The following STPG2 variants were observed in gnomAD, a reference collection of about 807,000 sequenced individuals.
The protein encoded by STPG2 is sperm tail PG-rich repeat containing 2, also known as sperm-tail PG-rich repeat-containing protein 2.
STPG2 carries 56 observed loss-of-function variants against 54.2 expected under a neutral mutation model. The observed-to-expected ratio is 1.03, with a 90% CI of 0.83 to 1.29. The LOEUF (loss-of-function observed/expected upper bound fraction) is 1.29. Ranked by LOEUF, STPG2 falls within the 50% of genes most tolerant of loss-of-function variation. The probability of loss-of-function intolerance (pLI) is 0.00; values close to 1 mark genes in which losing one functional copy is unlikely to be tolerated. For synonymous variants in STPG2, 200 were observed against 181.8 expected, an observed-to-expected ratio of 1.10 and a Z score of -0.81; for missense variants, 596 against 544.9, an observed-to-expected ratio of 1.09 and a Z score of -0.93.
At chr4:97,847,862 A>G (rs1224129677) in intron 8 of STPG2, among the ~76,000 whole-genome samples, 1 of 152,188 alleles carries the variant, frequency 6.6e-6, no homozygotes. Flanking sequence ...TCTAAAAATG[A>G]CCAAGGTTAT....
At position 97,478,393 on chromosome 4, in the gene STPG2, T is replaced by C. The variant is rs140473588; in HGVS notation, c.462+234306A>G. Among the ~76,000 whole-genome samples the C allele has an allele frequency of 4.2e-3, 637 of 152,280 alleles. 3 individuals carry two copies. The highest frequency in any genetic ancestry group is 0.02 in the South Asian group (98 of 4,834). On this transcript the variant is annotated intron_variant, in intron 4 of 4. Transcript: ENST00000522676. ...AGACTTTTTACTTTTTACAGTGACCTGATCATTTTATTTCTGATAGATTAA... is the reference window on the plus strand; with the variant it reads ...AGACTTTTTACTTTTTACAGTGACCCGATCATTTTATTTCTGATAGATTAA...
At chr4:97,803,643 C>T (rs528592089) in intron 9 of STPG2, among the ~76,000 whole-genome samples, 16 of 152,120 alleles carry the variant, frequency 1.1e-4, no homozygotes, top group African/African-American at 2.9e-4. Flanking sequence ...TGGGTTCAAG[C>T]GATTCTCCTG....
intron 8 of STPG2, among the ~76,000 whole-genome samples, chr4:97,936,818 T>C (rs1732761207): frequency 6.6e-6 from 1 of 152,120 alleles, no homozygotes; most frequent in Non-Finnish European, 1.5e-5. Context: ...ACATTTTGTT[T>C]TTCATTTCAA....
At chr4:97,564,570 A>G (rs183122117) in intron 10 of STPG2, among the ~76,000 whole-genome samples, 46 of 152,306 alleles carry the variant, frequency 3.0e-4, no homozygotes, top group African/African-American at 1.1e-3. Flanking sequence ...AGTGACTGGT[A>G]CTGGTTGTTC....
In STPG2 at chr4:97,756,967, A is replaced by G. The variant is rs575244793; in HGVS notation, c.1205-44153T>C. ...TCAGCAAGTTGCAGAAAAATAATCA[A>G]GGCAGCAAGCTACAACTGTAGATTG... On this transcript the variant is annotated intron_variant, in intron 9 of 10. Coordinates refer to ENST00000295268, the MANE Select transcript of STPG2 (RefSeq NM_174952.3). Among the ~76,000 whole-genome samples the G allele has an allele frequency of 1.5e-3, 233 of 152,326 alleles. 1 individual carries two copies. Among genetic ancestry groups the G allele is most frequent in the African/African-American group, 5.4e-3 (223 of 41,580 alleles).
chr4:98,029,816 T>C (rs755709203), intron 5 of STPG2, among the ~76,000 whole-genome samples: 9 of 152,190 alleles, frequency 5.9e-5, no homozygotes, highest in South Asian at 2.1e-4. Flanking sequence ...GAACGTACTA[T>C]AGAGCTTTGT....
intron 9 of STPG2, among the ~76,000 whole-genome samples, chr4:97,732,268 T>A (rs1056404097): frequency 1.6e-4 from 24 of 152,282 alleles, no homozygotes; most frequent in Middle Eastern, 6.8e-3. Flanking sequence ...CCCATTCAAA[T>A]TTCTATGGGT....
At chr4:97,445,302 AT>A (rs1173444299) in intron 4 of STPG2, among the ~76,000 whole-genome samples, 1 of 152,188 alleles carries the variant, frequency 6.6e-6, no homozygotes, top group Non-Finnish European at 1.5e-5. Flanking sequence ...TAAAATTGAC[AT>A]TATTGTACAC....
At chr4:97,844,936 C>T (rs1158334174) in intron 8 of STPG2, among the ~76,000 whole-genome samples, 1 of 151,784 alleles carries the variant, frequency 6.6e-6, no homozygotes, top group Non-Finnish European at 1.5e-5. Flanking sequence ...GTCTTCTGCC[C>T]TCTCAAATCT....
At chr4:98,010,001 CTTAG>C (rs758010784) in intron 5 of STPG2, among the ~76,000 whole-genome samples, 53 of 151,570 alleles carry the variant, frequency 3.5e-4, no homozygotes, top group Admixed American at 9.2e-4. Context: ...ATCATTTTTT[CTTAG>C]TTAGTCTGGC....
At chr4:97,538,268 C>A (rs2148858697) in intron 4 of STPG2, among the ~76,000 whole-genome samples, 1 of 152,118 alleles carries the variant, frequency 6.6e-6, no homozygotes, top group Non-Finnish European at 1.5e-5. Context: ...GAAGTTCAAA[C>A]CCATCGCAAA....
chr4:97,694,623 A>G (rs910937807), intron 10 of STPG2, among the ~76,000 whole-genome samples: 8 of 151,518 alleles, frequency 5.3e-5, no homozygotes, highest in Non-Finnish European at 1.2e-4. Context: ...CCTAGTTAAC[A>G]CGGTGAAACC....
chr4:97,640,762 T>G (rs1721741469), intron 10 of STPG2, among the ~76,000 whole-genome samples: 1 of 151,676 alleles, frequency 6.6e-6, no homozygotes, highest in East Asian at 1.9e-4. Flanking sequence ...ACTTTCATAT[T>G]GAAAATTAAA....
chr4:97,884,497 G>A (rs562656814), intron 8 of STPG2, among the ~76,000 whole-genome samples: 8 of 152,258 alleles, frequency 5.3e-5, no homozygotes, highest in African/African-American at 1.9e-4. Flanking sequence ...GATGACCATT[G>A]AAAGCCAAGA....
chr4:98,078,983 T>A (rs1379174889), intron 5 of STPG2, among the ~76,000 whole-genome samples: 1 of 152,182 alleles, frequency 6.6e-6, no homozygotes, highest in Non-Finnish European at 1.5e-5. Context: ...TTGCATATTA[T>A]GTTTCTACTA....
At chr4:97,970,033 C>A (rs1001829055) in intron 7 of STPG2, among the ~76,000 whole-genome samples, 5 of 151,976 alleles carry the variant, frequency 3.3e-5, no homozygotes, top group African/African-American at 7.2e-5. Flanking sequence ...ACAGAGAGCC[C>A]AATCATGAGT....
chr4:97,928,393 G>A (rs546290713), intron 8 of STPG2, among the ~76,000 whole-genome samples: 1 of 152,238 alleles, frequency 6.6e-6, no homozygotes, highest in African/African-American at 2.4e-5. Context: ...TATTTTCAGA[G>A]AGTGGGTCAA....
chr4:97,488,807 T>C (rs960660498), intron 4 of STPG2, among the ~76,000 whole-genome samples: 5 of 151,762 alleles, frequency 3.3e-5, no homozygotes, highest in African/African-American at 9.7e-5. Context: ...TGTTCATCTA[T>C]GGTAACTACA....
At chr4:97,997,955 T>G (rs1224861317) in intron 5 of STPG2, among the ~76,000 whole-genome samples, 1 of 152,026 alleles carries the variant, frequency 6.6e-6, no homozygotes, top group Admixed American at 6.6e-5. Flanking sequence ...TAAATCCGAC[T>G]GCCTATGAAG....
Sources: gnomAD v4.1 joint callset for allele counts (sites outside exome capture counted in the v4.1 genomes callset) on GRCh38, gnomAD v4.1.1 for gene constraint, MANE v1.5 for transcripts, NCBI Gene and HGNC (gene_info 2026-07-23, HGNC 2026-07-21) for gene names.